Variants in OXR1 observed in about 807,000 individuals in gnomAD.
OXR1 encodes oxidation resistance protein 1.
OXR1 carries 41 observed loss-of-function variants against 104.6 expected under a neutral mutation model. The observed-to-expected ratio is 0.39, with a 90% CI of 0.31 to 0.51. The LOEUF is 0.51. OXR1 is among the 20% of genes least tolerant of loss of function. The probability of loss-of-function intolerance (pLI) is 0.77; values close to 1 mark genes in which losing one functional copy is unlikely to be tolerated. For missense variants in OXR1, 955 were observed against 1,031.9 expected, an observed-to-expected ratio of 0.93 and a Z score of 1.02; for synonymous variants, 348 against 348.4, an observed-to-expected ratio of 1.00 and a Z score of 0.01.
At chr8:106,643,219 G>C (rs935673656) in intron 3 of OXR1, among the ~76,000 whole-genome samples, 4 of 152,132 alleles carry the variant, frequency 2.6e-5, no homozygotes, top group African/African-American at 9.7e-5. Flanking sequence ...AAATATTTTA[G>C]GCTTTTTGGG....
intron 2 of OXR1, among the ~76,000 whole-genome samples, chr8:106,377,043 G>T (rs1306060740): frequency 6.6e-6 from 1 of 151,954 alleles, no homozygotes; most frequent in Admixed American, 6.6e-5. Flanking sequence ...TAATTCTATG[G>T]AACTCTATGG....
At chr8:106,440,822 C>T (rs993060923) in intron 2 of OXR1, among the ~76,000 whole-genome samples, 22 of 152,062 alleles carry the variant, frequency 1.4e-4, no homozygotes, top group African/African-American at 5.3e-4. Context: ...AATTAAAATA[C>T]CAGTATAGCA....
chr8:106,501,074 T>G (rs1811777433), intron 2 of OXR1, among the ~76,000 whole-genome samples: 1 of 152,040 alleles, frequency 6.6e-6, no homozygotes, highest in African/African-American at 2.4e-5. Flanking sequence ...GATGTGAAAT[T>G]TTAGGGAAGA....
chr8:106,326,547 A>T (rs567834206), intron 1 of OXR1, among the ~76,000 whole-genome samples: 2 of 152,366 alleles, frequency 1.3e-5, no homozygotes, highest in South Asian at 4.1e-4. Context: ...TTTTAATCTC[A>T]GCCAGAGATG....
At chr8:106,459,648 A>C (rs552541568) in intron 2 of OXR1, among the ~76,000 whole-genome samples, 1 of 152,164 alleles carries the variant, frequency 6.6e-6, no homozygotes, top group Non-Finnish European at 1.5e-5. Context: ...TATCTGTTCT[A>C]TGCAGGAGCT....
At chr8:106,709,127 T>G (rs1366828106) in intron 9 of OXR1, among the ~76,000 whole-genome samples, 1 of 152,092 alleles carries the variant, frequency 6.6e-6, no homozygotes, top group African/African-American at 2.4e-5. Context: ...TCTAGAAAAT[T>G]TATAAAAATC....
chr8:106,723,369 A>T (rs912720546), intron 11 of OXR1, among the ~76,000 whole-genome samples: 30 of 151,894 alleles, frequency 2.0e-4, no homozygotes, highest in Non-Finnish European at 4.3e-4. Context: ...GTGGTGGTGG[A>T]TGCCTGTAGT....
At chr8:106,703,142 A>G in intron 8 of OXR1, 52 bp downstream of exon 8, 1 of 1,205,898 alleles carries the variant, frequency 8.3e-7, no homozygotes, top group Non-Finnish European at 1.2e-6. Context: ...TAGATAGTTG[A>G]CCCTTGTCTA....
At chr8:106,611,711 G>A (rs979801048) in intron 3 of OXR1, among the ~76,000 whole-genome samples, 3 of 152,070 alleles carry the variant, frequency 2.0e-5, no homozygotes, top group African/African-American at 7.2e-5. Flanking sequence ...ATTCCTAACT[G>A]TTCCAAAATT....
At chr8:106,676,656 C>A (rs1827624993) in intron 3 of OXR1, among the ~76,000 whole-genome samples, 1 of 151,986 alleles carries the variant, frequency 6.6e-6, no homozygotes. Context: ...GCTGAGAGGT[C>A]TGCTGTTAGT....
chr8:106,541,954 G>A (rs1459251409), intron 3 of OXR1, among the ~76,000 whole-genome samples: 3 of 152,164 alleles, frequency 2.0e-5, no homozygotes, highest in African/African-American at 7.2e-5. Context: ...TCTAACTTAT[G>A]TGTTTTTCAC....
intron 1 of OXR1, among the ~76,000 whole-genome samples, chr8:106,352,584 T>C (rs1358172226): frequency 1.3e-5 from 2 of 152,200 alleles, no homozygotes; most frequent in Non-Finnish European, 2.9e-5. Context: ...TCCTTCAGTA[T>C]GAGATTGGCT....
intron 11 of OXR1, among the ~76,000 whole-genome samples, chr8:106,724,843 C>T (rs1833173310): frequency 6.6e-6 from 1 of 152,108 alleles, no homozygotes; most frequent in African/African-American, 2.4e-5. Flanking sequence ...TAGACTATGC[C>T]ATGCTTGGTG....
chr8:106,567,612 A>G (rs565874190), intron 3 of OXR1, among the ~76,000 whole-genome samples: 1 of 152,316 alleles, frequency 6.6e-6, no homozygotes, highest in African/African-American at 2.4e-5. Context: ...TACAATGAGG[A>G]ACATTTGGAA....
At chr8:106,481,493 A>C (rs548956222) in intron 2 of OXR1, among the ~76,000 whole-genome samples, 1 of 152,172 alleles carries the variant, frequency 6.6e-6, no homozygotes, top group South Asian at 2.1e-4. Context: ...AGCTCCAGTA[A>C]GAACATCTGA....
intron 2 of OXR1, among the ~76,000 whole-genome samples, chr8:106,481,514 T>C (rs1822114004): frequency 6.6e-6 from 1 of 152,020 alleles, no homozygotes; most frequent in Non-Finnish European, 1.5e-5. Flanking sequence ...CTGGCTGCTT[T>C]CTATGTGAGC....
intron 1 of OXR1, among the ~76,000 whole-genome samples, chr8:106,285,132 A>C (rs1291444187): frequency 6.6e-6 from 1 of 151,942 alleles, no homozygotes; most frequent in South Asian, 2.1e-4. Flanking sequence ...CCCACCCCAC[A>C]ACAGGCCCCG....
At chr8:106,273,206 A>G (rs567018633) in intron 1 of OXR1, among the ~76,000 whole-genome samples, 4 of 152,156 alleles carry the variant, frequency 2.6e-5, no homozygotes, top group African/African-American at 7.2e-5. Flanking sequence ...AAAATAGTCA[A>G]TGGAATTTTT....
intron 3 of OXR1, among the ~76,000 whole-genome samples, chr8:106,610,959 A>G (rs1418218980): frequency 6.6e-6 from 1 of 152,212 alleles, no homozygotes; most frequent in East Asian, 1.9e-4. Context: ...CATTGAACAG[A>G]TATTTATTTA....
Sources: gnomAD v4.1 joint callset for allele counts (sites outside exome capture counted in the v4.1 genomes callset) on GRCh38, gnomAD v4.1.1 for gene constraint, MANE v1.5 for transcripts, NCBI Gene and HGNC (gene_info 2026-07-23, HGNC 2026-07-21) for gene names.